Variants in IBA57 observed in about 807,000 individuals in gnomAD.
IBA57 encodes the protein iron-sulfur cluster assembly factor IBA57.
IBA57 carries 20 observed loss-of-function variants against 20.4 expected under a neutral mutation model. The observed-to-expected ratio is 0.98, with a 90% CI of 0.69 to 1.42. The LOEUF is 1.42. Ranked by LOEUF, IBA57 falls within the 40% of genes most tolerant of loss-of-function variation. The pLI, the probability that IBA57 is intolerant of heterozygous loss-of-function variation, is 0.00. For missense variants in IBA57, 608 were observed against 499.3 expected, an observed-to-expected ratio of 1.22 and a Z score of -2.07; for synonymous variants, 310 against 233.9, an observed-to-expected ratio of 1.33 and a Z score of -2.97.
intron 1 of IBA57, among the ~76,000 whole-genome samples, chr1:228,166,804 C>G (rs1454240496): frequency 6.6e-6 from 1 of 152,216 alleles, no homozygotes; most frequent in African/African-American, 2.4e-5. Flanking sequence ...ACCTGGATCC[C>G]TGAAACCTCC....
rs1403928235 is a variant in IBA57, at chr1:228,176,508, T to G, written c.*995T>G. Reference sequence around the variant, plus strand: ...CGCCCAGACCTACCAGATGAAGCACTTGGCATGGCTGCAGGCCAGCAGGGG... The same window carrying G: ...CGCCCAGACCTACCAGATGAAGCACGTGGCATGGCTGCAGGCCAGCAGGGG... On this transcript the variant is annotated 3_prime_UTR_variant, in exon 3 of 3. Coordinates refer to ENST00000366711, the MANE Select transcript of IBA57 (RefSeq NM_001010867.4). 1 of 152,522 alleles carries G rather than the reference T, an allele frequency of 6.6e-6. No homozygotes were observed. 9.4% of individuals were successfully genotyped at this position (152,522 alleles called of 1,614,324 possible).
intron 1 of IBA57, chr1:228,171,975 A>G (rs1349461671): frequency 6.6e-6 from 1 of 152,198 alleles, no homozygotes; most frequent in Non-Finnish European, 1.5e-5. Context: ...GCACGTGGTT[A>G]AAAACTCGCT....
intron 1 of IBA57, among the ~76,000 whole-genome samples, chr1:228,169,538 T>C (rs1398503569): frequency 6.6e-6 from 1 of 152,236 alleles, no homozygotes. Flanking sequence ...TGAACCTCTG[T>C]TGACATGCCA....
chr1:228,174,228 T>C (rs1197706921), intron 1 of IBA57, among the ~76,000 whole-genome samples: 1 of 406 alleles, frequency 2.5e-3, no homozygotes, highest in Non-Finnish European at 8.9e-3. Context: ...TGGCTCGCTG[T>C]GGGCGTGGCT....
chr1:228,165,871 T>G lies in IBA57; in HGVS notation c.55T>G (p.Trp19Gly). ...CACTCCGGGGCGCGGCGGCCCGGTC[T>G]GGCGCTGGCGGCTGCGCGCGGCCCC... ...GATPGRGGPV[W>G]RWRLRAAPRC... is the part of the protein sequence containing the mutation. The change falls in exon 1 of 3, where the codon TGG (tryptophan) becomes GGG (glycine). Residue 19 changes from tryptophan (W) to glycine (G), a missense_variant. Physicochemically the swap from Trp to Gly is radical, Grantham distance 184 (BLOSUM62 -2). Coordinates refer to ENST00000366711, the MANE Select transcript of IBA57 (RefSeq NM_001010867.4). The G allele has an allele frequency of 7.5e-7, 1 of 1,325,924 alleles. No homozygotes were observed. The highest frequency in any genetic ancestry group is 9.6e-7 in the Non-Finnish European group (1 of 1,044,600). 82.1% of individuals were successfully genotyped at this position (1,325,924 alleles called of 1,614,324 possible). A position where few individuals can be genotyped will look rare whatever the true frequency, so the allele number is the denominator to read the frequency against.
chr1:228,181,267 A>C lies in IBA57; in HGVS notation c.*5754A>C, dbSNP rs1320107343. On this transcript the variant is annotated 3_prime_UTR_variant, in exon 3 of 3. Transcript: ENST00000366711. Reference sequence around the variant, plus strand: ...TGTCCGGTCTCCAGAACCGTGAGCCAATAAACCTCTGTTCCTTGTAAATGA... The same window carrying C: ...TGTCCGGTCTCCAGAACCGTGAGCCCATAAACCTCTGTTCCTTGTAAATGA... 3 of 152,248 alleles carry C rather than the reference A, an allele frequency of 2.0e-5. No homozygotes were observed. Among genetic ancestry groups the C allele is most frequent in the African/African-American group, 7.2e-5 (3 of 41,466 alleles). The allele number at this position is 152,248 out of a possible 1,614,324, so 9.4% of individuals were successfully genotyped here.
At position 228,179,958 on chromosome 1, in the gene IBA57, C is replaced by T. The variant is rs1013655219; in HGVS notation, c.*4445C>T. Reference sequence around the variant, plus strand: ...ATCACCTGAGGTCAGGAGTTCAAGACCAGCCTGATCAACATGGTGAAACCC... The same window carrying T: ...ATCACCTGAGGTCAGGAGTTCAAGATCAGCCTGATCAACATGGTGAAACCC... On this transcript the variant is annotated 3_prime_UTR_variant, in exon 3 of 3. Coordinates refer to ENST00000366711, the MANE Select transcript of IBA57 (RefSeq NM_001010867.4). 3 of 151,930 alleles carry T rather than the reference C, an allele frequency of 2.0e-5. No homozygotes were observed. The highest frequency in any genetic ancestry group is 7.3e-5 in the African/African-American group (3 of 41,336). The allele number at this position is 151,930 out of a possible 1,614,324, so 9.4% of individuals were successfully genotyped here.
chr1:228,171,290 G>A (rs932610152), intron 1 of IBA57: 1 of 152,164 alleles, frequency 6.6e-6, no homozygotes, highest in Non-Finnish European at 1.5e-5. Flanking sequence ...GAATGATGAG[G>A]CTGAGAAAGC....
rs1558127080 is a variant in IBA57, at chr1:228,175,999, GC to G, written c.*487del. ...TGCTTCCAGCATGTCTCAGGGTGGGGCTATGCGTGGTCTAGAGGGGTCTGGG... is the reference window on the plus strand; with the variant it reads ...TGCTTCCAGCATGTCTCAGGGTGGGGTATGCGTGGTCTAGAGGGGTCTGGG... On this transcript the variant is annotated 3_prime_UTR_variant, in exon 3 of 3. Transcript: ENST00000366711. 6.3e-6 allele frequency: 1 copy of G among 159,074 alleles called. No homozygotes were observed. Among genetic ancestry groups the G allele is most frequent in the African/African-American group, 2.4e-5 (1 of 41,540 alleles). The allele number at this position is 159,074 out of a possible 1,614,324, so 9.9% of individuals were successfully genotyped here. A position where few individuals can be genotyped will look rare whatever the true frequency, so the allele number is the denominator to read the frequency against.
intron 1 of IBA57, 27 bp downstream of exon 1, chr1:228,166,184 G>C (rs760378345): frequency 7.1e-7 from 1 of 1,409,002 alleles, no homozygotes; most frequent in African/African-American, 1.5e-5. Flanking sequence ...AGGGCGCTCG[G>C]GGGCGGGCAC....
Position 228,178,968 on chromosome 1 carries a change from G to C in IBA57, c.*3455G>C, listed in dbSNP as rs1415253679. 1 of 152,180 alleles carries C rather than the reference G, an allele frequency of 6.6e-6. No homozygotes were observed. Among genetic ancestry groups the C allele is most frequent in the East Asian group, 1.9e-4 (1 of 5,168 alleles). 9.4% of individuals were successfully genotyped at this position (152,180 alleles called of 1,614,324 possible). A position where few individuals can be genotyped will look rare whatever the true frequency, so the allele number is the denominator to read the frequency against. ...GGTCCCTGGCTGCCAGAGTGCTCTGGCCAGATAGAGGTGGGCTCTGGACTG... is the reference window on the plus strand; with the variant it reads ...GGTCCCTGGCTGCCAGAGTGCTCTGCCCAGATAGAGGTGGGCTCTGGACTG... On this transcript the variant is annotated 3_prime_UTR_variant, in exon 3 of 3. Transcript: ENST00000366711.
intron 1 of IBA57, among the ~76,000 whole-genome samples, chr1:228,169,249 T>C (rs1485805599): frequency 1.3e-5 from 2 of 152,204 alleles, no homozygotes; most frequent in Non-Finnish European, 2.9e-5. Context: ...TCCCTGCCCA[T>C]CATTCCTTTA....
rs1431871454 is a variant in IBA57, at chr1:228,165,918, C to A, written c.102C>A (p.Ser34Arg). 1.4e-6 allele frequency: 2 copies of A among 1,480,926 alleles called. No individual in the cohort carries two copies. Among genetic ancestry groups the A allele is most frequent in the Admixed American group, 4.5e-5 (2 of 44,752 alleles). The allele number at this position is 1,480,926 out of a possible 1,614,324, so 91.7% of individuals were successfully genotyped here. Residue 34 changes from serine to arginine, a missense_variant, in exon 1 of 3, where the codon AGC becomes AGA. Physicochemically the swap from Ser to Arg is moderately radical, Grantham distance 110. Coordinates refer to ENST00000366711, the MANE Select transcript of IBA57 (RefSeq NM_001010867.4). ...CCCCAAGGTGCCGCCTGGCCCACAG[C>A]TCCTGCAGTCCTGGTGGCGACCCAA... The part of the protein sequence containing the change: ...RAAPRCRLAH[S>R]SCSPGGDPTA...
intron 1 of IBA57, chr1:228,174,454 G>A (rs2034972159): frequency 8.6e-6 from 2 of 233,298 alleles, no homozygotes; most frequent in Non-Finnish European, 1.6e-5. Flanking sequence ...GCTCGCTGTG[G>A]GCGTGGCTCG....
chr1:228,168,384 C>G (rs747204916), intron 1 of IBA57, among the ~76,000 whole-genome samples: 6 of 152,184 alleles, frequency 3.9e-5, no homozygotes, highest in South Asian at 2.1e-4. Flanking sequence ...AGTAGTTAAG[C>G]TTTTGGGGAG....
intron 1 of IBA57, among the ~76,000 whole-genome samples, chr1:228,169,676 T>C (rs1020311467): frequency 2.0e-5 from 3 of 152,030 alleles, no homozygotes; most frequent in African/African-American, 7.3e-5. Context: ...TGCCTTGAAA[T>C]CCTCTGTGCC....
In IBA57 at chr1:228,179,022, C is replaced by G. The variant is rs958667893; in HGVS notation, c.*3509C>G. On this transcript the variant is annotated 3_prime_UTR_variant, in exon 3 of 3. Transcript: ENST00000366711. ...AGGCTGCATTGCGGAGGCGCGCACA[C>G]CCAGCTGGGCCCTTATCTGTAAGGA... 1.3e-5 allele frequency: 2 copies of G among 152,092 alleles called. No individual in the cohort carries two copies. The highest frequency in any genetic ancestry group is 2.9e-5 in the Non-Finnish European group (2 of 68,048). 9.4% of individuals were successfully genotyped at this position (152,092 alleles called of 1,614,324 possible).
rs74142618 is a variant in IBA57 at position 228,167,949 on chromosome 1, C to T, written c.341+1792C>T. ...GCCTTACAATGATGTTGATTTTGGT[C>T]CCCAAATTCCCTTCCATATTTCTAT... is the stretch of plus-strand genomic sequence containing the variant. On this transcript the variant is annotated intron_variant, in intron 1 of 2. Transcript: ENST00000366711. 6.9e-3 allele frequency among the ~76,000 whole-genome samples: 1,051 copies of T among 152,274 alleles called. 10 individuals carry two copies. The highest frequency in any genetic ancestry group is 0.024 in the African/African-American group (1,002 of 41,540).
At chr1:228,172,299 G>A (rs931134119) in intron 1 of IBA57, 2 of 152,180 alleles carry the variant, frequency 1.3e-5, no homozygotes, top group Non-Finnish European at 2.9e-5. Flanking sequence ...GTTTTATCAC[G>A]TGTGAATATC....
Sources: allele counts gnomAD v4.1 joint callset (sites outside exome capture counted in the v4.1 genomes callset), GRCh38; gene constraint gnomAD v4.1.1; transcripts MANE v1.5; gene names NCBI Gene and HGNC (gene_info 2026-07-23, HGNC 2026-07-21).